The following CIAO2A variants were observed in gnomAD, a reference collection of about 807,000 sequenced individuals.
The protein encoded by CIAO2A is MIP18 family protein FAM96A.
Under a neutral mutation model 22.4 loss-of-function variants are expected in CIAO2A, and 17 were observed. That is an observed-to-expected ratio of 0.76 (90% CI 0.52 to 1.14). The LOEUF (loss-of-function observed/expected upper bound fraction) is 1.14, where lower values mean the gene tolerates loss of function less well. CIAO2A is among the 50% of genes most tolerant of loss of function. The probability of loss-of-function intolerance (pLI) is 0.00; values close to 1 mark genes in which losing one functional copy is unlikely to be tolerated. For missense variants in CIAO2A, 192 were observed against 191.4 expected, an observed-to-expected ratio of 1.00 and a Z score of -0.02; for synonymous variants, 74 against 72.3, an observed-to-expected ratio of 1.02 and a Z score of -0.12.
intron 4 of CIAO2A, among the ~76,000 whole-genome samples, chr15:64,073,253 C>T (rs930746462): frequency 6.6e-6 from 1 of 152,076 alleles, no homozygotes; most frequent in African/African-American, 2.4e-5. Context: ...TCTTTCCAGT[C>T]TTTGTCCATA....
intron 2 of CIAO2A, among the ~76,000 whole-genome samples, 176 bp downstream of exon 2, chr15:64,088,511 A>T (rs1402984617): frequency 6.6e-6 from 1 of 152,194 alleles, no homozygotes; most frequent in East Asian, 1.9e-4. Flanking sequence ...TTAACTCAAC[A>T]AGCTAATTGT....
chr15:64,091,573 C>T (rs1030305582), intron 1 of CIAO2A, among the ~76,000 whole-genome samples: 4 of 152,060 alleles, frequency 2.6e-5, no homozygotes, highest in African/African-American at 9.6e-5. Flanking sequence ...GCTGTGTTAT[C>T]ATGGGACTTA....
chr15:64,084,187 T>A (rs965401849), intron 2 of CIAO2A, among the ~76,000 whole-genome samples: 1 of 152,084 alleles, frequency 6.6e-6, no homozygotes, highest in Non-Finnish European at 1.5e-5. Flanking sequence ...TTATTCAAGC[T>A]TTTTCATGTT....
chr15:64,073,258 T>C (rs1313447182), intron 4 of CIAO2A, among the ~76,000 whole-genome samples: 1 of 152,212 alleles, frequency 6.6e-6, no homozygotes, highest in African/African-American at 2.4e-5. Flanking sequence ...CCAGTCTTTG[T>C]CCATACACAT....
intron 1 of CIAO2A, among the ~76,000 whole-genome samples, chr15:64,089,429 C>T (rs552466829): frequency 3.3e-5 from 4 of 119,516 alleles, no homozygotes; most frequent in South Asian, 3.3e-4. Context: ...TCAGGAGGAT[C>T]GCTTGAGCCC....
intron 3 of CIAO2A, among the ~76,000 whole-genome samples, chr15:64,078,639 CAAAAAA>C (rs56266808): frequency 9.3e-5 from 12 of 129,152 alleles, no homozygotes; most frequent in Non-Finnish European, 1.9e-4. Flanking sequence ...CCATCGCAAA[CAAAAAA>C]AAAAAAAAAA....
chr15:64,088,578 A>T, intron 2 of CIAO2A, 109 bp downstream of exon 2: 1 of 836,364 alleles, frequency 1.2e-6, no homozygotes, highest in South Asian at 2.0e-5. Context: ...AGTGTAATAC[A>T]TACACTGTAT....
At chr15:64,076,048 T>A (rs1243183797) in intron 3 of CIAO2A, among the ~76,000 whole-genome samples, 2 of 151,938 alleles carry the variant, frequency 1.3e-5, no homozygotes, top group Non-Finnish European at 2.9e-5. Flanking sequence ...ATGAGTAGGA[T>A]TTTTTATTTT....
At chr15:64,075,378 T>G in intron 4 of CIAO2A, 114 bp downstream of exon 4, 2 of 642,164 alleles carry the variant, frequency 3.1e-6, no homozygotes, top group Non-Finnish European at 5.2e-6. Flanking sequence ...CAATAACCAA[T>G]TGTGCACTTT....
In CIAO2A at chr15:64,084,752, A is replaced by T. The variant is rs888616208; in HGVS notation, c.290-3601T>A. On this transcript the variant is annotated intron_variant, in intron 2 of 4. Transcript: ENST00000300030. The stretch of plus-strand genomic sequence containing the variant: ...CCATTGCACTCCAGCCTGGGCAACA[A>T]GAGTGAAACTCCGTCTCAAAAAATA... 2.6e-5 allele frequency among the ~76,000 whole-genome samples: 4 copies of T among 151,804 alleles called. No homozygotes were observed. The East Asian group carries it at 5.8e-4, about 22-fold the overall frequency.
At chr15:64,088,582 A>T in intron 2 of CIAO2A, 105 bp downstream of exon 2, 5 of 880,272 alleles carry the variant, frequency 5.7e-6, no homozygotes, top group Non-Finnish European at 6.7e-6. Context: ...TAATACATAC[A>T]CTGTATGGTT....
chr15:64,074,898 A>T (rs2080705407), intron 4 of CIAO2A: 1 of 152,032 alleles, frequency 6.6e-6, no homozygotes, highest in South Asian at 2.1e-4. Context: ...TGTATTTCTC[A>T]TTATTTGCAC....
At position 64,081,157 on chromosome 15, in the gene CIAO2A, G is replaced by A; in HGVS notation, c.290-6C>T. 2.5e-6 allele frequency: 4 copies of A among 1,612,308 alleles called. No homozygotes were observed. Among genetic ancestry groups the A allele is most frequent in the Non-Finnish European group, 3.4e-6 (4 of 1,179,290 alleles). On this transcript the variant is annotated splice_region_variant and splice_polypyrimidine_tract_variant and intron_variant, in intron 2 of 4. Transcript: ENST00000300030. ...TTTTACTCTTAAGCACAGCCCTGTG[G>A]AGGGAAAATCACACCTCCAATTATC... is the stretch of plus-strand genomic sequence containing the variant.
intron 4 of CIAO2A, chr15:64,074,580 G>T (rs1036729570): frequency 2.0e-5 from 3 of 152,158 alleles, no homozygotes; most frequent in African/African-American, 7.2e-5. Context: ...CCCACAAAGA[G>T]TATAATAATC....
At chr15:64,076,478 T>C (rs1031128604) in intron 3 of CIAO2A, among the ~76,000 whole-genome samples, 1 of 152,144 alleles carries the variant, frequency 6.6e-6, no homozygotes, top group Non-Finnish European at 1.5e-5. Flanking sequence ...CTCCTGGCCC[T>C]GCTGCACCTA....
chr15:64,085,193 G>C (rs1362612853), intron 2 of CIAO2A, among the ~76,000 whole-genome samples: 1 of 152,196 alleles, frequency 6.6e-6, no homozygotes, highest in East Asian at 1.9e-4. Flanking sequence ...CAAAACTTCT[G>C]ATGTACCAAT....
intron 3 of CIAO2A, among the ~76,000 whole-genome samples, chr15:64,077,017 T>A (rs1292819445): frequency 1.3e-5 from 2 of 152,136 alleles, no homozygotes; most frequent in East Asian, 3.9e-4. Context: ...CAATTTTTTT[T>A]AAAAAACAAA....
chr15:64,084,622 A>G (rs1239508263), intron 2 of CIAO2A, among the ~76,000 whole-genome samples: 2 of 152,038 alleles, frequency 1.3e-5, no homozygotes, highest in African/African-American at 2.4e-5. Context: ...ATACAAAATT[A>G]GCCAGGTGTG....
rs2080683282 is a variant in CIAO2A at position 64,072,868 on chromosome 15, T to C, written c.*63A>G. The C allele has an allele frequency of 9.2e-7, 1 of 1,084,794 alleles. No homozygotes were observed. The highest frequency in any genetic ancestry group is 1.4e-6 in the Non-Finnish European group (1 of 715,456). 67.2% of individuals were successfully genotyped at this position (1,084,794 alleles called of 1,614,324 possible). A position where few individuals can be genotyped will look rare whatever the true frequency, so the allele number is the denominator to read the frequency against. On this transcript the variant is annotated 3_prime_UTR_variant, in exon 5 of 5. Coordinates refer to ENST00000300030, the MANE Select transcript of CIAO2A (RefSeq NM_032231.7). ...ATGTATTAAACATGAGTCTCTGACA[T>C]TATACAAAGAGTTTAAACAAATATA...
Sources: gnomAD v4.1 joint callset for allele counts (sites outside exome capture counted in the v4.1 genomes callset) on GRCh38, gnomAD v4.1.1 for gene constraint, MANE v1.5 for transcripts, NCBI Gene and HGNC (gene_info 2026-07-23, HGNC 2026-07-21) for gene names.